The following MYH6 variants were observed in gnomAD, a reference collection of about 807,000 sequenced individuals.
MYH6 encodes myosin-6.
Under a neutral mutation model 223.2 loss-of-function variants are expected in MYH6, and 126 were observed. The ratio of observed to expected loss-of-function variants is 0.56; its 90% confidence interval spans 0.49 to 0.65. The LOEUF (loss-of-function observed/expected upper bound fraction) is 0.65, where lower values mean the gene tolerates loss of function less well. Among genes scored for constraint, MYH6 ranks in the 30% least tolerant of loss-of-function variants. The pLI is 0.00. For synonymous variants in MYH6, 978 were observed against 1,010.2 expected, an observed-to-expected ratio of 0.97 and a Z score of 0.61; for missense variants, 2,040 against 2,536.4, an observed-to-expected ratio of 0.80 and a Z score of 4.20.
At position 23,393,775 on chromosome 14, in the gene MYH6, G is replaced by T; in HGVS notation, c.2819C>A (p.Ala940Asp). Residue 940 changes from alanine to aspartate, a missense_variant, in exon 22 of 39, where the codon GCC (alanine) becomes GAC (aspartate). Ala to Asp is a moderately radical substitution (Grantham distance 126). Transcript: ENST00000405093. ...DEEEMNAELT[A>D]KKRKLEDECS... The stretch of plus-strand genomic sequence containing the variant: ...CTCGTCTTCCAGCTTGCGCTTCTTG[G>T]CAGTGAGCTCCGCGTTCATCTCCTC... 6 of 1,614,176 alleles carry T rather than the reference G, an allele frequency of 3.7e-6. No individual in the cohort carries two copies. Among genetic ancestry groups the T allele is most frequent in the Non-Finnish European group, 5.1e-6 (6 of 1,180,034 alleles).
chr14:23,404,050 G>A (rs1311158171), intron 8 of MYH6, among the ~76,000 whole-genome samples: 1 of 152,206 alleles, frequency 6.6e-6, no homozygotes, highest in Non-Finnish European at 1.5e-5. Flanking sequence ...CCAGTAATCT[G>A]CAGGGTGGAT....
In MYH6 at chr14:23,384,666, G is replaced by C; in HGVS notation, c.5341C>G (p.Leu1781Val). The change falls in exon 36 of 39, where the codon CTG becomes GTG. Residue 1781 changes from leucine (L) to valine (V), a missense_variant. Leu to Val is a conservative substitution (Grantham distance 32). This residue lies in a region of MYH6 where 1,203 missense variants were observed against 1,400.2 expected (regional missense o/e 0.86). Transcript: ENST00000405093. The stretch of plus-strand genomic sequence containing the variant: ...TCCATGTTCTTCTTCATGCGCTCCA[G>C]GTGGGCGCTGGTGTCCTGCTCCTTC... ...LKKEQDTSAHLERMKKNMEQT... is the reference protein window; with the variant it reads ...LKKEQDTSAHVERMKKNMEQT... 1.2e-6 allele frequency: 2 copies of C among 1,614,236 alleles called. No individual in the cohort carries two copies. The highest frequency in any genetic ancestry group is 2.2e-5 in the South Asian group (2 of 91,086).
Position 23,392,605 on chromosome 14 carries a change from T to A in MYH6, c.3299A>T (p.Gln1100Leu), listed in dbSNP as rs775652096. ...NQQNSKIEDE[Q>L]VLALQLQKKL... is the part of the protein sequence containing the mutation. ...CTTCTGTAGTTGAAGGGCCAGCACC[T>A]GCTCATCCTCAATCTTACTGTTCTG... The change falls in exon 25 of 39, where the codon CAG (glutamine) becomes CTG (leucine). Residue 1100 changes from glutamine to leucine, a missense_variant. Around this residue, in one of 4 missense-constraint regions of MYH6, gnomAD observed 1,203 missense variants for 1,400.2 expected, o/e 0.86. Coordinates refer to ENST00000405093, the MANE Select transcript of MYH6 (RefSeq NM_002471.4). 1.9e-5 allele frequency: 31 copies of A among 1,612,632 alleles called. No individual in the cohort carries two copies. The South Asian group carries it at 3.2e-4, about 17-fold the overall frequency.
At chr14:23,387,698 G>A (rs780251194) in intron 31 of MYH6, 45 bp from the exon 32 acceptor site, 61 of 1,613,922 alleles carry the variant, frequency 3.8e-5, no homozygotes, top group Non-Finnish European at 4.9e-5. Flanking sequence ...TGTTCCCCCT[G>A]CCCCTGCATG....
rs367952105 is a variant in MYH6 at position 23,402,758 on chromosome 14, A to G, written c.941T>C (p.Val314Ala). Residue 314 changes from valine (V) to alanine (A), a missense_variant, in exon 11 of 39, where the codon GTG becomes GCG. By Grantham distance (64) the Val-to-Ala change is moderately conservative. Transcript: ENST00000405093. The part of the protein sequence containing the change: ...VTNNPYDYAF[V>A]SQGEVSVASI... The stretch of plus-strand genomic sequence containing the variant: ...GGCCACGGACACCTCTCCCTGAGAC[A>G]CGAAGGCGTAGTCGTAGGGATTGTT... The G allele has an allele frequency of 1.2e-5, 19 of 1,613,524 alleles. No homozygotes were observed. The African/African-American group carries it at 2.1e-4, about 18-fold the overall frequency.
At chr14:23,384,877 T>C in intron 35 of MYH6, 39 bp downstream of exon 35, 1 of 1,613,432 alleles carries the variant, frequency 6.2e-7, no homozygotes, top group Admixed American at 1.7e-5. Flanking sequence ...AGGCCTTGTT[T>C]CTGTCTTTAG....
Position 23,388,225 on chromosome 14 carries a change from A to G in MYH6, c.4289T>C (p.Leu1430Ser). Reference protein sequence around the residue: ...KHRLQNEIEDLMVDVERSNAA... With the variant: ...KHRLQNEIEDSMVDVERSNAA... Reference sequence around the variant, plus strand: ...ATTGGAGCGCTCTACGTCCACCATCAAGTCCTCTATCTCATTCTGTAGCCG... The same window carrying G: ...ATTGGAGCGCTCTACGTCCACCATCGAGTCCTCTATCTCATTCTGTAGCCG... The change falls in exon 30 of 39, where the codon TTG becomes TCG. Residue 1430 changes from leucine to serine, a missense_variant. Physicochemically the swap from Leu to Ser is moderately radical, Grantham distance 145. This residue lies in a region of MYH6 where 1,203 missense variants were observed against 1,400.2 expected (regional missense o/e 0.86). Transcript: ENST00000405093. 6.2e-7 allele frequency: 1 copy of G among 1,612,522 alleles called. No individual in the cohort carries two copies. Among genetic ancestry groups the G allele is most frequent in the Non-Finnish European group, 8.5e-7 (1 of 1,180,034 alleles).
chr14:23,388,431 C>A, intron 29 of MYH6, 93 bp from the exon 30 acceptor site: 1 of 1,559,648 alleles, frequency 6.4e-7, no homozygotes, highest in Non-Finnish European at 8.8e-7. Flanking sequence ...CCTATATCTC[C>A]TTGAGACACC....
intron 15 of MYH6, among the ~76,000 whole-genome samples, chr14:23,397,932 C>CTCCTCTTCTTCTTCTTCTTCT (rs1891452078): frequency 2.2e-5 from 2 of 90,220 alleles, no homozygotes; most frequent in African/African-American, 4.3e-5. Context: ...CCTCCTCCTC[C>CTCCTCTTCTTCTTCTTCTTCT]TCTTCTTCTT....
In MYH6 at chr14:23,389,072, G is replaced by GGGGGGGGGCCC; in HGVS notation, c.3979-18_3979-17insGGGCCCCCCCC. 1 of 1,135,188 alleles carries GGGGGGGGGCCC rather than the reference G, an allele frequency of 8.8e-7. No individual in the cohort carries two copies. The highest frequency in any genetic ancestry group is 1.3e-6 in the Non-Finnish European group (1 of 774,170). The allele number at this position is 1,135,188 out of a possible 1,614,324, so 70.3% of individuals were successfully genotyped here. ...GTTCTTCGCCTGGGGAGGGGGGGGG[G>GGGGGGGGGCCC]CACCAGGAGGTGGGAGGGACTCCCT... On this transcript the variant is annotated splice_polypyrimidine_tract_variant and intron_variant, in intron 28 of 38. Transcript: ENST00000405093.
rs1276335714 is a variant in MYH6, at chr14:23,390,389, C to G, written c.3400G>C (p.Val1134Leu). The G allele has an allele frequency of 6.2e-7, 1 of 1,608,656 alleles. No individual in the cohort carries two copies. The highest frequency in any genetic ancestry group is 8.5e-7 in the Non-Finnish European group (1 of 1,178,594). Residue 1134 changes from valine to leucine, a missense_variant, in exon 26 of 39, where the codon GTG becomes CTG. Val to Leu is a conservative substitution (Grantham distance 32, BLOSUM62 1). Around this residue, in one of 4 missense-constraint regions of MYH6, gnomAD observed 1,203 missense variants for 1,400.2 expected, o/e 0.86. Transcript: ENST00000405093. ...LEAERTARAK[V>L]EKLRSDLSRE... ...GACAGGTCTGAGCGCAGCTTCTCCA[C>G]CTTAGCCCTGGCGGTGCGCTCGGCC...
chr14:23,386,761 AC>A, intron 32 of MYH6, 138 bp from the exon 33 acceptor site: 1 of 1,062,088 alleles, frequency 9.4e-7, no homozygotes, highest in Non-Finnish European at 1.3e-6. Context: ...TGGGATCTGC[AC>A]CCCATGCCCA....
intron 25 of MYH6, among the ~76,000 whole-genome samples, chr14:23,391,237 A>C: frequency 6.6e-6 from 1 of 152,212 alleles, no homozygotes; most frequent in Non-Finnish European, 1.5e-5. Flanking sequence ...GACAGCTTTA[A>C]TGGACTGTTC....
intron 19 of MYH6, 73 bp from the exon 20 acceptor site, chr14:23,396,493 G>T: frequency 6.3e-7 from 1 of 1,590,226 alleles, no homozygotes; most frequent in Admixed American, 1.8e-5. Flanking sequence ...CCCTGGATGA[G>T]CTCCCAGGTG....
In MYH6 at chr14:23,405,479, ACTC is replaced by A; in HGVS notation, c.346-103_346-101del. ...GTCCCTGTTCACTCCAGCTGGCTCT[ACTC>A]CTCCTGCAGCTGACTAGGGGTGGAG... On this transcript the variant is annotated intron_variant, in intron 4 of 38. Coordinates refer to ENST00000405093, the MANE Select transcript of MYH6 (RefSeq NM_002471.4). This position sits in a 1 kb window ranked among gnomAD's most constrained non-coding sequence, Gnocchi z 4.7. 3.8e-6 allele frequency: 6 copies of A among 1,599,682 alleles called. No homozygotes were observed. Among genetic ancestry groups the A allele is most frequent in the Non-Finnish European group, 4.3e-6 (5 of 1,169,118 alleles).
chr14:23,392,627 T>C lies in MYH6; in HGVS notation c.3277A>G (p.Asn1093Asp), dbSNP rs1891266671. ...ACCTGCTCATCCTCAATCTTACTGT[T>C]CTGCTGATTAATGTCAAACTCCTTC... ...KKKEFDINQQ[N>D]SKIEDEQVLA... is the part of the protein sequence containing the mutation. Residue 1093 changes from asparagine (N) to aspartate (D), a missense_variant, in exon 25 of 39, where the codon AAC becomes GAC. Asn to Asp is a conservative substitution (Grantham distance 23). Coordinates refer to ENST00000405093, the MANE Select transcript of MYH6 (RefSeq NM_002471.4). 2 of 1,611,106 alleles carry C rather than the reference T, an allele frequency of 1.2e-6. No homozygotes were observed. Among genetic ancestry groups the C allele is most frequent in the Non-Finnish European group, 1.7e-6 (2 of 1,178,672 alleles).
Position 23,393,905 on chromosome 14 carries a change from G to A in MYH6, c.2689C>T (p.Gln897Ter). 6 of 1,614,160 alleles carry A rather than the reference G, an allele frequency of 3.7e-6. No homozygotes were observed. Among genetic ancestry groups the A allele is most frequent in the South Asian group, 1.1e-5 (1 of 91,078 alleles). Residue 897 changes from glutamine to a stop codon, truncating the protein, a stop_gained, in exon 22 of 39, where the codon CAA becomes TAA. Transcript: ENST00000405093. LOFTEE classifies it high-confidence loss of function. Reference sequence around the variant, plus strand: ...TCCTCAGCATCATTGAGGTTGTCTTGTTCCTGGGAGAAGAGAACAGGGAGG... The same window carrying A: ...TCCTCAGCATCATTGAGGTTGTCTTATTCCTGGGAGAAGAGAACAGGGAGG... Reference protein sequence around the residue: ...NDLQLQVQAEQDNLNDAEERC... With the variant: ...NDLQLQVQAE
intron 25 of MYH6, among the ~76,000 whole-genome samples, chr14:23,391,715 C>CATGT (rs1335875727): frequency 6.6e-6 from 1 of 152,142 alleles, no homozygotes; most frequent in Non-Finnish European, 1.5e-5. Context: ...CAGACCTGGC[C>CATGT]ATGTAGCTTC....
chr14:23,389,468 C>T lies in MYH6; in HGVS notation c.3903G>A (p.Ser1301=), dbSNP rs201804323. 4.2e-4 allele frequency: 676 copies of T among 1,614,074 alleles called. 3 individuals carry two copies. Among genetic ancestry groups the T allele is most frequent in the Middle Eastern group, 3.0e-3 (18 of 6,084 alleles). ...AAGAGAGCTTCCCCCGGGTCAGCTG[C>T]GAGATTAGCGCCTCCTTTTCCTCTA... ...RQLEEKEALI[S]QLTRGKLSYT... Residue 1301 remains serine (S), a synonymous_variant, in exon 28 of 39, where the codon TCG becomes TCA. Transcript: ENST00000405093.
Sources: allele counts gnomAD v4.1 joint callset (sites outside exome capture counted in the v4.1 genomes callset), GRCh38; gene constraint gnomAD v4.1.1; regional missense constraint gnomAD v4.1.1; non-coding constraint Gnocchi (gnomAD v3.1); transcripts MANE v1.5; gene names NCBI Gene and HGNC (gene_info 2026-07-23, HGNC 2026-07-21).